Variants in RORA observed in about 807,000 individuals in gnomAD.
The protein encoded by RORA is nuclear receptor ROR-alpha.
RORA carries 7 observed loss-of-function variants against 69.5 expected under a neutral mutation model. The observed-to-expected ratio is 0.10, with a 90% CI of 0.06 to 0.19. The LOEUF is 0.19. Ranked by LOEUF, RORA falls within the 10% of genes least tolerant of loss-of-function variation. RORA has a pLI of 1.00. For synonymous variants in RORA, 261 were observed against 240.8 expected (o/e 1.08, Z -0.78); for missense variants, 457 against 663.0 (o/e 0.69, Z 3.41).
chr15:60,540,955 C>T (rs1397065524), intron 2 of RORA, among the ~76,000 whole-genome samples: 1 of 152,164 alleles, frequency 6.6e-6, no homozygotes, highest in Non-Finnish European at 1.5e-5. Context: ...TGGGTGAGGA[C>T]TGTTAAGAGA....
intron 3 of RORA, among the ~76,000 whole-genome samples, chr15:60,523,567 T>C (rs2066248891): frequency 6.6e-6 from 1 of 152,228 alleles, no homozygotes; most frequent in Non-Finnish European, 1.5e-5. Flanking sequence ...TCATCCTTGC[T>C]GTGTCACCAG....
chr15:60,610,954 G>C (rs2069071392), intron 2 of RORA, among the ~76,000 whole-genome samples: 1 of 152,164 alleles, frequency 6.6e-6, no homozygotes, highest in South Asian at 2.1e-4. Context: ...GTTTTGGTTT[G>C]TGCAAGGTAG....
rs548637264 is a variant in RORA, at chr15:61,042,863, C to T, written c.166+186190G>A. ...GCCATTTTTCTTACGGAAATAGAAA[C>T]AGTAGCAAAGACACCCAGACTCTCC... On this transcript the variant is annotated intron_variant, in intron 1 of 10. Coordinates refer to ENST00000335670, the MANE Select transcript of RORA (RefSeq NM_134261.3). 3.3e-5 allele frequency among the ~76,000 whole-genome samples: 5 copies of T among 152,276 alleles called. No homozygotes were observed. In the East Asian group the frequency reaches 9.6e-4, roughly 29 times the overall value.
At chr15:61,110,733 C>T (rs2078998620) in intron 1 of RORA, among the ~76,000 whole-genome samples, 1 of 152,140 alleles carries the variant, frequency 6.6e-6, no homozygotes, top group Admixed American at 6.5e-5. Context: ...GAACTCTCTT[C>T]CACTACTTCC....
intron 2 of RORA, among the ~76,000 whole-genome samples, chr15:60,620,196 A>T (rs897442465): frequency 6.6e-6 from 1 of 152,240 alleles, no homozygotes; most frequent in Non-Finnish European, 1.5e-5. Context: ...TTACAGATGG[A>T]TCTGAATAAT....
At chr15:61,139,319 C>G (rs1384962353) in intron 1 of RORA, among the ~76,000 whole-genome samples, 1 of 152,160 alleles carries the variant, frequency 6.6e-6, no homozygotes, top group Non-Finnish European at 1.5e-5. Context: ...CAATCACCAT[C>G]GTTCCACGGA....
chr15:60,895,282 A>C (rs1891200436), intron 1 of RORA, among the ~76,000 whole-genome samples: 1 of 152,214 alleles, frequency 6.6e-6, no homozygotes, highest in African/African-American at 2.4e-5. Context: ...GATCGGATTC[A>C]CTTGCTATTT....
chr15:61,195,415 G>A (rs1043040503), intron 1 of RORA, among the ~76,000 whole-genome samples: 12 of 151,360 alleles, frequency 7.9e-5, no homozygotes, highest in Non-Finnish European at 1.5e-4. Context: ...CACTAGATAC[G>A]GCAAGGATTT....
chr15:60,808,372 A>G (rs2072687654), intron 1 of RORA, among the ~76,000 whole-genome samples: 1 of 152,294 alleles, frequency 6.6e-6, no homozygotes, highest in African/African-American at 2.4e-5. Flanking sequence ...ATACCACTTC[A>G]CTCCTGCAAG....
chr15:60,503,424 T>C, intron 7 of RORA, 111 bp downstream of exon 7: 1 of 1,028,914 alleles, frequency 9.7e-7, no homozygotes, highest in East Asian at 2.6e-5. Flanking sequence ...ACCTGAGCTA[T>C]TATCATTGGA....
At chr15:61,200,880 C>T (rs1262134215) in intron 1 of RORA, among the ~76,000 whole-genome samples, 1 of 152,064 alleles carries the variant, frequency 6.6e-6, no homozygotes, top group East Asian at 1.9e-4. Context: ...TTCACTTTCT[C>T]ATAATTAGAT....
intron 1 of RORA, among the ~76,000 whole-genome samples, chr15:61,202,944 C>A (rs185689929): frequency 9.7e-4 from 148 of 152,188 alleles, no homozygotes; most frequent in African/African-American, 3.4e-3. Context: ...ATAATTTCTG[C>A]TGAAGATGAT....
chr15:60,749,673 T>C (rs1176165651), intron 1 of RORA, among the ~76,000 whole-genome samples: 1 of 152,174 alleles, frequency 6.6e-6, no homozygotes, highest in Non-Finnish European at 1.5e-5. Context: ...AGAGAAACTC[T>C]GTTCCCTGAT....
intron 2 of RORA, among the ~76,000 whole-genome samples, chr15:60,610,383 T>C (rs1892793370): frequency 6.6e-6 from 1 of 152,192 alleles, no homozygotes; most frequent in South Asian, 2.1e-4. Flanking sequence ...CTCATCTTTC[T>C]AGCACATCTG....
rs59854874 is a variant in RORA at position 60,683,647 on chromosome 15, TAC to T, written c.167-4963_167-4962del. On this transcript the variant is annotated intron_variant, in intron 1 of 10. Coordinates refer to ENST00000335670, the MANE Select transcript of RORA (RefSeq NM_134261.3). Reference sequence around the variant, plus strand: ...TCCTTCTATTTTACCCAGATACACATACACACACACACACACACACACACACA... The same window carrying T: ...TCCTTCTATTTTACCCAGATACACATACACACACACACACACACACACACA... Among the ~76,000 whole-genome samples the T allele has an allele frequency of 4.1e-3, 613 of 148,720 alleles. 3 individuals are homozygous for T. Among genetic ancestry groups the T allele is most frequent in the Middle Eastern group, 0.014 (4 of 288 alleles).
At chr15:60,584,093 G>A (rs1313687690) in intron 2 of RORA, among the ~76,000 whole-genome samples, 2 of 152,300 alleles carry the variant, frequency 1.3e-5, no homozygotes, top group Non-Finnish European at 2.9e-5. Flanking sequence ...GGTCCACCTG[G>A]CTCTGACAGG....
chr15:60,569,269 A>T (rs2067809361), intron 2 of RORA, among the ~76,000 whole-genome samples: 1 of 150,314 alleles, frequency 6.7e-6, no homozygotes, highest in Admixed American at 6.6e-5. Flanking sequence ...ATTAAAAAAA[A>T]AAAAAAAAAA....
At chr15:61,159,079 T>C (rs2079471465) in intron 1 of RORA, among the ~76,000 whole-genome samples, 2 of 152,280 alleles carry the variant, frequency 1.3e-5, no homozygotes, top group East Asian at 1.9e-4. Context: ...TATAAATAGA[T>C]AGACATAACT....
At chr15:60,961,351 G>T (rs1442645285) in intron 1 of RORA, among the ~76,000 whole-genome samples, 1 of 152,092 alleles carries the variant, frequency 6.6e-6, no homozygotes, top group Non-Finnish European at 1.5e-5. Flanking sequence ...TTCTCTGATG[G>T]TCCTATAAAG....
Sources: allele counts gnomAD v4.1 joint callset (sites outside exome capture counted in the v4.1 genomes callset), GRCh38; gene constraint gnomAD v4.1.1; transcripts MANE v1.5; gene names NCBI Gene and HGNC (gene_info 2026-07-23, HGNC 2026-07-21).